The following RNF180 variants were observed in gnomAD, a reference collection of about 807,000 sequenced individuals.
The protein encoded by RNF180 is E3 ubiquitin-protein ligase RNF180.
Under a neutral mutation model 59.2 loss-of-function variants are expected in RNF180, and 38 were observed. That is an observed-to-expected ratio of 0.64 (90% confidence interval 0.50 to 0.84). The LOEUF (loss-of-function observed/expected upper bound fraction) is 0.84. Ranked by LOEUF, RNF180 falls within the 40% of genes least tolerant of loss-of-function variation. RNF180 has a pLI of 0.00. For missense variants in RNF180, 705 were observed against 700.9 expected (o/e 1.01, Z -0.07); for synonymous variants, 262 against 240.3 (o/e 1.09, Z -0.84).
chr5:64,311,204 A>C (rs1272741876), intron 5 of RNF180, among the ~76,000 whole-genome samples: 1 of 151,928 alleles, frequency 6.6e-6, no homozygotes, highest in Non-Finnish European at 1.5e-5. Context: ...AAGAAAATAA[A>C]TTACAGTTAC....
At chr5:64,246,971 A>G (rs565918211) in intron 5 of RNF180, among the ~76,000 whole-genome samples, 9 of 152,322 alleles carry the variant, frequency 5.9e-5, no homozygotes, top group Admixed American at 2.0e-4. Flanking sequence ...AAATTAATCA[A>G]TGTAATCCAT....
At chr5:64,183,164 A>G (rs1750697982) in intron 1 of RNF180, among the ~76,000 whole-genome samples, 1 of 152,196 alleles carries the variant, frequency 6.6e-6, no homozygotes, top group Non-Finnish European at 1.5e-5. Flanking sequence ...CATCTTCCTC[A>G]CAAAGTGATG....
At chr5:64,324,577 C>A (rs1194612595) in intron 5 of RNF180, among the ~76,000 whole-genome samples, 1 of 152,182 alleles carries the variant, frequency 6.6e-6, no homozygotes, top group Non-Finnish European at 1.5e-5. Flanking sequence ...CCTAACAATT[C>A]CATTTGGGAG....
At chr5:64,183,441 C>CTTTTTTTTT (rs367772828) in intron 1 of RNF180, among the ~76,000 whole-genome samples, 3 of 89,914 alleles carry the variant, frequency 3.3e-5, no homozygotes, top group Admixed American at 2.6e-4. Context: ...GAAAGTATAC[C>CTTTTTTTTT]TTTTTTTTTT....
intron 1 of RNF180, among the ~76,000 whole-genome samples, chr5:64,190,226 C>G (rs944758809): frequency 4.6e-5 from 7 of 152,172 alleles, no homozygotes; most frequent in African/African-American, 1.7e-4. Flanking sequence ...ATTATTGTGC[C>G]TTAATTTGTC....
intron 5 of RNF180, among the ~76,000 whole-genome samples, chr5:64,249,825 G>A (rs1743447560): frequency 6.6e-6 from 1 of 151,998 alleles, no homozygotes; most frequent in Non-Finnish European, 1.5e-5. Flanking sequence ...AGTATATAAA[G>A]TAAATATTAA....
upstream of RNF180, among the ~76,000 whole-genome samples, chr5:64,165,558 G>A (rs1164125476): frequency 6.6e-6 from 1 of 152,228 alleles, no homozygotes; most frequent in Non-Finnish European, 1.5e-5. Flanking sequence ...TGAGGACAAG[G>A]GAGACCACAG....
intron 1 of RNF180, among the ~76,000 whole-genome samples, chr5:64,177,625 A>G (rs1750329368): frequency 6.7e-6 from 1 of 149,648 alleles, no homozygotes; most frequent in South Asian, 2.1e-4. Context: ...ATAGCAGTAT[A>G]TGTCAGCTTA....
At chr5:64,185,681 C>A (rs1750834070) in intron 1 of RNF180, among the ~76,000 whole-genome samples, 1 of 152,156 alleles carries the variant, frequency 6.6e-6, no homozygotes, top group Admixed American at 6.5e-5. Context: ...GCCACAAATT[C>A]ATTTCAGCAA....
At chr5:64,207,706 C>A (rs559361812) in intron 2 of RNF180, among the ~76,000 whole-genome samples, 81 of 152,088 alleles carry the variant, frequency 5.3e-4, no homozygotes, top group African/African-American at 1.9e-3. Context: ...TTTTTCAATT[C>A]ATTGTGACCT....
At chr5:64,235,282 C>T (rs1188358767) in intron 5 of RNF180, among the ~76,000 whole-genome samples, 1 of 152,104 alleles carries the variant, frequency 6.6e-6, no homozygotes, top group Non-Finnish European at 1.5e-5. Context: ...GACCCTGTCT[C>T]AAACAAACAA....
intron 7 of RNF180, among the ~76,000 whole-genome samples, chr5:64,342,660 G>A (rs1435239185): frequency 6.6e-6 from 1 of 152,042 alleles, no homozygotes; most frequent in Admixed American, 6.6e-5. Flanking sequence ...AGGATGGATG[G>A]CTAAAGAGAA....
chr5:64,342,096 ATTAC>A (rs1388194173), intron 7 of RNF180, among the ~76,000 whole-genome samples: 1 of 152,112 alleles, frequency 6.6e-6, no homozygotes, highest in Non-Finnish European at 1.5e-5. Flanking sequence ...AGTCAAGTAT[ATTAC>A]TTCTGGCAAC....
At chr5:64,294,190 G>T (rs1471295262) in intron 5 of RNF180, among the ~76,000 whole-genome samples, 1 of 152,058 alleles carries the variant, frequency 6.6e-6, no homozygotes, top group Non-Finnish European at 1.5e-5. Flanking sequence ...AATTTAAAGG[G>T]TATAATTGGA....
At chr5:64,243,910 G>T (rs575218564) in intron 5 of RNF180, among the ~76,000 whole-genome samples, 1 of 152,262 alleles carries the variant, frequency 6.6e-6, no homozygotes, top group Non-Finnish European at 1.5e-5. Flanking sequence ...AGCAATCTTT[G>T]CTGTTCTGCA....
intron 6 of RNF180, 49 bp from the exon 7 acceptor site, chr5:64,330,231 AT>A: frequency 7.9e-7 from 1 of 1,267,578 alleles, no homozygotes; most frequent in Non-Finnish European, 1.1e-6. Context: ...TTTTCTTGCC[AT>A]TTTACTCAAA....
intron 5 of RNF180, among the ~76,000 whole-genome samples, chr5:64,270,551 A>C (rs1209997330): frequency 3.3e-5 from 5 of 152,038 alleles, no homozygotes; most frequent in Admixed American, 2.6e-4. Context: ...AATTCTTACA[A>C]CAGTTCTGTG....
At chr5:64,353,953 A>C (rs1380615637) in intron 7 of RNF180, among the ~76,000 whole-genome samples, 2 of 151,730 alleles carry the variant, frequency 1.3e-5, no homozygotes, top group African/African-American at 4.8e-5. Flanking sequence ...GGCATACCGA[A>C]AATTTACAGG....
rs1007722988 is a variant in RNF180 at position 64,260,166 on chromosome 5, C to T, written c.1227+42770C>T. Among the ~76,000 whole-genome samples, 12 of 152,240 alleles carry T rather than the reference C, an allele frequency of 7.9e-5. 1 individual carries two copies. The highest frequency in any genetic ancestry group is 3.9e-4 in the East Asian group (2 of 5,184). On this transcript the variant is annotated intron_variant, in intron 5 of 7. Coordinates refer to ENST00000389100, the MANE Select transcript of RNF180 (RefSeq NM_001113561.2). The stretch of plus-strand genomic sequence containing the variant: ...TACATATTTATGCATATAGATATTT[C>T]GCCCAACAGACGTAATGTGACATAG...
Sources: allele counts gnomAD v4.1 joint callset (sites outside exome capture counted in the v4.1 genomes callset), GRCh38; gene constraint gnomAD v4.1.1; transcripts MANE v1.5; gene names NCBI Gene and HGNC (gene_info 2026-07-23, HGNC 2026-07-21).